Variants in IPMK observed in about 807,000 individuals in gnomAD.
IPMK encodes inositol polyphosphate multikinase.
Under a neutral mutation model 45.8 loss-of-function variants are expected in IPMK, and 17 were observed. The ratio of observed to expected loss-of-function variants is 0.37; its 90% confidence interval spans 0.25 to 0.56. The LOEUF (loss-of-function observed/expected upper bound fraction) is 0.56, where lower values mean the gene tolerates loss of function less well. Ranked by LOEUF, IPMK falls within the 20% of genes least tolerant of loss-of-function variation. The probability of loss-of-function intolerance (pLI) is 0.79; values close to 1 mark genes in which losing one functional copy is unlikely to be tolerated. For missense variants in IPMK, 399 were observed against 498.0 expected, an observed-to-expected ratio of 0.80 and a Z score of 1.89; for synonymous variants, 180 against 184.3, an observed-to-expected ratio of 0.98 and a Z score of 0.19.
chr10:58,261,221 G>C (rs2590358), intron 1 of IPMK, among the ~76,000 whole-genome samples: 49,576 of 147,654 alleles, frequency 0.34, 10,514 homozygotes, highest in African/African-American at 0.61. Flanking sequence ...ACTAGATTTT[G>C]TATCAGAAAG....
chr10:58,253,236 G>A (rs1475864285), intron 1 of IPMK, among the ~76,000 whole-genome samples: 1 of 152,204 alleles, frequency 6.6e-6, no homozygotes, highest in Non-Finnish European at 1.5e-5. Flanking sequence ...TGCCATGATT[G>A]TAAGGCCTCC....
At chr10:58,224,817 C>T (rs535374081) in intron 3 of IPMK, among the ~76,000 whole-genome samples, 85 of 152,258 alleles carry the variant, frequency 5.6e-4, no homozygotes, top group African/African-American at 2.0e-3. Flanking sequence ...AACACAGTAA[C>T]GCAAACCATA....
chr10:58,255,187 CAA>C (rs770629831), intron 1 of IPMK, among the ~76,000 whole-genome samples: 2 of 152,202 alleles, frequency 1.3e-5, no homozygotes, highest in Non-Finnish European at 2.9e-5. Flanking sequence ...TGAGTAGCCA[CAA>C]AGATCCACAC....
intron 1 of IPMK, among the ~76,000 whole-genome samples, chr10:58,262,022 T>C (rs1839076938): frequency 6.6e-6 from 1 of 151,918 alleles, no homozygotes; most frequent in Non-Finnish European, 1.5e-5. Flanking sequence ...ATGTTCTCAC[T>C]CATAGGTGGG....
intron 2 of IPMK, among the ~76,000 whole-genome samples, chr10:58,230,439 C>A (rs996261271): frequency 2.0e-5 from 3 of 152,166 alleles, no homozygotes; most frequent in Non-Finnish European, 4.4e-5. Context: ...CTGCCCCTCT[C>A]GGACAAAGCT....
intron 1 of IPMK, among the ~76,000 whole-genome samples, chr10:58,243,923 G>A (rs2590326): frequency 0.34 from 49,624 of 146,576 alleles, 10,357 homozygotes; most frequent in African/African-American, 0.61. Context: ...AGGAAGTGAG[G>A]AGCGTCTCTG....
intron 1 of IPMK, among the ~76,000 whole-genome samples, chr10:58,239,921 T>C (rs1838671966): frequency 6.6e-6 from 1 of 152,184 alleles, no homozygotes; most frequent in Admixed American, 6.5e-5. Flanking sequence ...AAAGGGCATG[T>C]ACTGCACGGG....
At chr10:58,199,398 T>TGGG in intron 4 of IPMK, 77 bp from the exon 5 acceptor site, 2 of 881,422 alleles carry the variant, frequency 2.3e-6, no homozygotes, top group Non-Finnish European at 1.7e-6. Context: ...CAAGGGTGGC[T>TGGG]AAAGATGAAA....
At chr10:58,211,412 C>T (rs183375706) in intron 4 of IPMK, among the ~76,000 whole-genome samples, 2 of 151,952 alleles carry the variant, frequency 1.3e-5, no homozygotes, top group African/African-American at 2.4e-5. Flanking sequence ...AGGCTGCTCT[C>T]GAACTCCTTA....
At chr10:58,243,612 A>T (rs2790210) in intron 1 of IPMK, among the ~76,000 whole-genome samples, 51,237 of 151,818 alleles carry the variant, frequency 0.34, 10,843 homozygotes, top group African/African-American at 0.61. Context: ...TCGGGTGATT[A>T]GCCCGCCTCG....
At chr10:58,235,769 C>G (rs1167619918) in intron 2 of IPMK, among the ~76,000 whole-genome samples, 1 of 151,928 alleles carries the variant, frequency 6.6e-6, no homozygotes, top group African/African-American at 2.4e-5. Flanking sequence ...ATGTATCAAA[C>G]CTGCACGTTG....
At chr10:58,234,794 A>G (rs1838583103) in intron 2 of IPMK, among the ~76,000 whole-genome samples, 1 of 152,234 alleles carries the variant, frequency 6.6e-6, no homozygotes, top group East Asian at 1.9e-4. Context: ...AGCAATGACA[A>G]CAAAAGCCAA....
intron 1 of IPMK, among the ~76,000 whole-genome samples, chr10:58,263,728 A>G (rs1839108603): frequency 6.6e-6 from 1 of 152,202 alleles, no homozygotes; most frequent in Non-Finnish European, 1.5e-5. Flanking sequence ...GCCAGACTAC[A>G]CTTGAATCAG....
rs1837832330 is a variant in IPMK at position 58,192,536 on chromosome 10, T to C, written c.*3540A>G. ...TGCTTCATTTCAACCCCACACTTAT[T>C]ATCTTATTTAGATGCCTATTTTTCT... On this transcript the variant is annotated 3_prime_UTR_variant, in exon 6 of 6. Transcript: ENST00000373935. 1 of 152,036 alleles carries C rather than the reference T, an allele frequency of 6.6e-6. No individual in the cohort carries two copies. The highest frequency in any genetic ancestry group is 1.5e-5 in the Non-Finnish European group (1 of 67,914). The allele number at this position is 152,036 out of a possible 1,614,324, so 9.4% of individuals were successfully genotyped here. A position where few individuals can be genotyped will look rare whatever the true frequency, so the allele number is the denominator to read the frequency against.
intron 2 of IPMK, among the ~76,000 whole-genome samples, chr10:58,235,065 A>C (rs982555614): frequency 1.3e-5 from 2 of 152,256 alleles, no homozygotes; most frequent in African/African-American, 4.8e-5. Flanking sequence ...CACATGAAAA[A>C]ATGCTCATCA....
chr10:58,236,767 C>T (rs972363979), intron 2 of IPMK, among the ~76,000 whole-genome samples: 5 of 151,950 alleles, frequency 3.3e-5, no homozygotes, highest in Non-Finnish European at 7.4e-5. Flanking sequence ...TTAAAATTAG[C>T]CAGGCTTGCT....
At chr10:58,240,704 G>A (rs1264874317) in intron 1 of IPMK, among the ~76,000 whole-genome samples, 3 of 150,534 alleles carry the variant, frequency 2.0e-5, no homozygotes, top group African/African-American at 7.3e-5. Flanking sequence ...CACCCATGGA[G>A]CGGAATGGGA....
chr10:58,267,533 A>C lies in IPMK; in HGVS notation c.79T>G (p.Ser27Ala). The C allele has an allele frequency of 6.2e-7, 1 of 1,612,388 alleles. No homozygotes were observed. Among genetic ancestry groups the C allele is most frequent in the Non-Finnish European group, 8.5e-7 (1 of 1,179,522 alleles). The stretch of plus-strand genomic sequence containing the variant: ...GGCTGCGGGGTGCCCTCAGGGGTGG[A>C]CTCGATCGCCGGTGAGGTCCGCATT... The part of the protein sequence containing the change: ...PEMRTSPAIE[S>A]TPEGTPQPAG... The change falls in exon 1 of 6, where the codon TCC becomes GCC. Residue 27 changes from serine (S) to alanine (A), a missense_variant. By Grantham distance (99) the Ser-to-Ala change is moderately conservative (BLOSUM62 1). This residue lies in a region of IPMK where 111 missense variants were observed against 99.9 expected (regional missense o/e 1.11). Transcript: ENST00000373935.
chr10:58,210,984 C>T (rs1838150612), intron 4 of IPMK, among the ~76,000 whole-genome samples: 1 of 152,146 alleles, frequency 6.6e-6, no homozygotes, highest in Non-Finnish European at 1.5e-5. Context: ...CCATCTTCCT[C>T]CCATCTGACA....
Sources: allele counts gnomAD v4.1 joint callset (sites outside exome capture counted in the v4.1 genomes callset), GRCh38; gene constraint gnomAD v4.1.1; regional missense constraint gnomAD v4.1.1; transcripts MANE v1.5; gene names NCBI Gene and HGNC (gene_info 2026-07-23, HGNC 2026-07-21).